Variants in E2F5 observed in about 807,000 individuals in gnomAD.
E2F5 encodes the protein E2F transcription factor 5.
A neutral mutation model predicts 39.1 loss-of-function variants in E2F5; 23 were observed. The observed-to-expected ratio is 0.59, with a 90% CI of 0.42 to 0.83. E2F5 has a LOEUF of 0.83. Ranked by LOEUF, E2F5 falls within the 40% of genes least tolerant of loss-of-function variation. E2F5 has a pLI of 0.00. For synonymous variants in E2F5, 145 were observed against 157.8 expected, an observed-to-expected ratio of 0.92 and a Z score of 0.61; for missense variants, 365 against 406.7, an observed-to-expected ratio of 0.90 and a Z score of 0.88.
intron 3 of E2F5, among the ~76,000 whole-genome samples, chr8:85,205,526 G>T (rs973095397): frequency 6.6e-6 from 1 of 151,910 alleles, no homozygotes; most frequent in African/African-American, 2.4e-5. Flanking sequence ...GACCTCAAGT[G>T]ATCCACCTGC....
intron 1 of E2F5, among the ~76,000 whole-genome samples, chr8:85,189,643 G>A (rs1812418335): frequency 6.6e-6 from 1 of 152,120 alleles, no homozygotes; most frequent in South Asian, 2.1e-4. Context: ...TGCTGTGATT[G>A]TAGGCATGAG....
chr8:85,201,983 G>T, intron 1 of E2F5, 164 bp from the exon 2 acceptor site: 1 of 612,766 alleles, frequency 1.6e-6, no homozygotes, highest in Non-Finnish European at 2.9e-6. Context: ...TTTGGTATTT[G>T]CAGTGTTTGG....
At chr8:85,195,122 C>T (rs559053186) in intron 1 of E2F5, among the ~76,000 whole-genome samples, 3 of 151,890 alleles carry the variant, frequency 2.0e-5, no homozygotes, top group South Asian at 2.1e-4. Context: ...CAGTGGCTTA[C>T]GTCTGTAATC....
intron 1 of E2F5, chr8:85,178,207 C>T (rs549388963): frequency 6.6e-6 from 1 of 152,202 alleles, no homozygotes; most frequent in East Asian, 1.9e-4. Flanking sequence ...ACGCCCCTCC[C>T]CGATAAAATA....
At chr8:85,183,183 C>T (rs1009527608) in intron 1 of E2F5, among the ~76,000 whole-genome samples, 2 of 152,056 alleles carry the variant, frequency 1.3e-5, no homozygotes, top group African/African-American at 2.4e-5. Flanking sequence ...ACCCGGGAGG[C>T]GGAGCTTGCA....
chr8:85,207,528 T>C, intron 5 of E2F5, 39 bp downstream of exon 5: 1 of 1,473,134 alleles, frequency 6.8e-7, no homozygotes. Flanking sequence ...GTGGGAAAAA[T>C]GAATCTACTG....
chr8:85,210,673 C>G (rs1474780197), intron 6 of E2F5, among the ~76,000 whole-genome samples: 2 of 143,422 alleles, frequency 1.4e-5, no homozygotes, highest in Middle Eastern at 3.3e-3. Flanking sequence ...AAGACTCCAT[C>G]TTAAAAAAAA....
intron 1 of E2F5, 30 bp downstream of exon 1, chr8:85,177,684 A>G (rs1812115068): frequency 1.6e-6 from 2 of 1,253,096 alleles, no homozygotes; most frequent in Admixed American, 3.6e-5. Flanking sequence ...ACGGGGGCGG[A>G]CTTCGGAACC....
Position 85,214,459 on chromosome 8 carries a change from A to G in E2F5, c.*597A>G. The G allele has an allele frequency of 1.2e-6, 1 of 807,350 alleles. No individual in the cohort carries two copies. Among genetic ancestry groups the G allele is most frequent in the South Asian group, 1.5e-5 (1 of 66,956 alleles). The allele number at this position is 807,350 out of a possible 1,614,324, so 50.0% of individuals were successfully genotyped here. Reference sequence around the variant, plus strand: ...TCTGTTTATGTAGTTTGTTTTTAAAATGTGCCAATGCCTGTACATTAACAA... The same window carrying G: ...TCTGTTTATGTAGTTTGTTTTTAAAGTGTGCCAATGCCTGTACATTAACAA... On this transcript the variant is annotated 3_prime_UTR_variant, in exon 8 of 8. Transcript: ENST00000416274.
chr8:85,214,326 T>C lies in E2F5; in HGVS notation c.*464T>C. ...AGTGAAGGATGTAAACGAGGATATA[T>C]AACTGTTTCAGTGAACAGATTTTGT... On this transcript the variant is annotated 3_prime_UTR_variant, in exon 8 of 8. Transcript: ENST00000416274. The C allele has an allele frequency of 1.7e-6, 1 of 591,432 alleles. No individual in the cohort carries two copies. Among genetic ancestry groups the C allele is most frequent in the Non-Finnish European group, 3.0e-6 (1 of 331,302 alleles). The allele number at this position is 591,432 out of a possible 1,614,324, so 36.6% of individuals were successfully genotyped here.
At chr8:85,193,319 A>G (rs1043478338) in intron 1 of E2F5, among the ~76,000 whole-genome samples, 1 of 152,038 alleles carries the variant, frequency 6.6e-6, no homozygotes, top group Non-Finnish European at 1.5e-5. Flanking sequence ...CCCCATCTCT[A>G]CTAAAAATAA....
chr8:85,196,492 A>G (rs1376696573), intron 1 of E2F5, among the ~76,000 whole-genome samples: 1 of 152,160 alleles, frequency 6.6e-6, no homozygotes, highest in Non-Finnish European at 1.5e-5. Flanking sequence ...AGGCCATTTT[A>G]TACACTTGAT....
chr8:85,203,355 A>C, intron 3 of E2F5, 100 bp downstream of exon 3: 4 of 910,214 alleles, frequency 4.4e-6, no homozygotes, highest in South Asian at 4.2e-5. Flanking sequence ...TTAGACAGTT[A>C]AGTTTTATAA....
At position 85,209,049 on chromosome 8, in the gene E2F5, G is replaced by GCTT; in HGVS notation, c.616-93_616-92insCTT. 13 of 1,259,228 alleles carry GCTT rather than the reference G, an allele frequency of 1.0e-5. 1 individual carries two copies. The South Asian group carries it at 1.9e-4, about 18-fold the overall frequency. The allele number at this position is 1,259,228 out of a possible 1,614,324, so 78.0% of individuals were successfully genotyped here. ...TTATTGTGTTATGTGAATTTAGTAA[G>GCTT]TCCCTAATAGCTTTGCCTGTCTTAT... On this transcript the variant is annotated intron_variant, in intron 5 of 7. Transcript: ENST00000416274.
At chr8:85,204,222 G>T (rs1024099113) in intron 3 of E2F5, among the ~76,000 whole-genome samples, 2 of 151,984 alleles carry the variant, frequency 1.3e-5, no homozygotes, top group African/African-American at 2.4e-5. Context: ...CCTGCTTTAC[G>T]AGATGCTGGC....
chr8:85,180,878 C>T lies in E2F5; in HGVS notation c.234+3224C>T, dbSNP rs149364586. Among the ~76,000 whole-genome samples, 338 of 150,754 alleles carry T rather than the reference C, an allele frequency of 2.2e-3. 4 individuals carry two copies. Among genetic ancestry groups the T allele is most frequent in the Admixed American group, 0.018 (274 of 15,114 alleles). On this transcript the variant is annotated intron_variant, in intron 1 of 7. Transcript: ENST00000416274. Reference sequence around the variant, plus strand: ...ACAAGCGTGAGCCACCGCGCCCGGCCGGTCTTGTTTGTTTTTTGAGACAGG... The same window carrying T: ...ACAAGCGTGAGCCACCGCGCCCGGCTGGTCTTGTTTGTTTTTTGAGACAGG...
chr8:85,186,656 G>A (rs1262028421), intron 1 of E2F5, among the ~76,000 whole-genome samples: 3 of 146,896 alleles, frequency 2.0e-5, no homozygotes, highest in Admixed American at 1.4e-4. Flanking sequence ...TATATATGGT[G>A]TATATATGGT....
intron 1 of E2F5, among the ~76,000 whole-genome samples, chr8:85,186,196 C>T (rs1053070948): frequency 6.6e-6 from 1 of 152,178 alleles, no homozygotes; most frequent in Admixed American, 6.5e-5. Context: ...AGGATGAGTT[C>T]ATGTCCTTTG....
At chr8:85,200,191 G>A in intron 1 of E2F5, 2 of 441,576 alleles carry the variant, frequency 4.5e-6, no homozygotes, top group Non-Finnish European at 6.0e-6. Context: ...AGGTTGCAGT[G>A]AGCCAAGATC....
Sources: allele counts gnomAD v4.1 joint callset (sites outside exome capture counted in the v4.1 genomes callset), GRCh38; gene constraint gnomAD v4.1.1; transcripts MANE v1.5; gene names NCBI Gene and HGNC (gene_info 2026-07-23, HGNC 2026-07-21).